CEP57L1: variants seen among roughly 807,000 people sequenced by gnomAD.
CEP57L1 encodes the protein centrosomal protein 57 like 1.
Under a neutral mutation model 61.0 loss-of-function variants are expected in CEP57L1, and 37 were observed. The ratio of observed to expected loss-of-function variants is 0.61; its 90% CI spans 0.47 to 0.80. The LOEUF (loss-of-function observed/expected upper bound fraction) is 0.80, where lower values mean the gene tolerates loss of function less well. CEP57L1 is among the 30% of genes least tolerant of loss of function. The pLI is 0.00. For missense variants in CEP57L1, 422 were observed against 524.7 expected (o/e 0.80, Z 1.91); for synonymous variants, 137 against 162.3 (o/e 0.84, Z 1.19).
chr6:109,095,173 G>GGAGGCGCTAAGCTTGCGCCCT (rs1264517034), upstream of CEP57L1: 4 of 985,440 alleles, frequency 4.1e-6, no homozygotes, highest in Non-Finnish European at 3.6e-6. Flanking sequence ...AAGCGCCCCC[G>GGAGGCGCTAAGCTTGCGCCCT]GAGGCGCTAA....
At chr6:109,126,037 A>G (rs1050677051) in intron 1 of CEP57L1, among the ~76,000 whole-genome samples, 1 of 152,170 alleles carries the variant, frequency 6.6e-6, no homozygotes, top group African/African-American at 2.4e-5. Flanking sequence ...ACCATAACAA[A>G]CATTAGCATA....
intron 1 of CEP57L1, chr6:109,140,418 T>A (rs1583560343): frequency 1.4e-5 from 2 of 143,688 alleles, no homozygotes; most frequent in Admixed American, 1.4e-4. Flanking sequence ...TTTTTTTTTT[T>A]AGACAGAGTC....
In CEP57L1 at chr6:109,168,022, A is replaced by G. The variant is rs574080775; in HGVS notation, c.*5052A>G. On this transcript the variant is annotated 3_prime_UTR_variant, in exon 11 of 11. Transcript: ENST00000517392. ...AAGTGACATGAAAGGCATAATGACA[A>G]CCACAGAGCAGATGCTCAAATATTT... Among the ~76,000 whole-genome samples the G allele has an allele frequency of 3.3e-5, 5 of 152,350 alleles. No homozygotes were observed. Among genetic ancestry groups the G allele is most frequent in the South Asian group, 2.1e-4 (1 of 4,834 alleles).
chr6:109,158,726 A>T, intron 7 of CEP57L1: 1 of 498,624 alleles, frequency 2.0e-6, no homozygotes, highest in Non-Finnish European at 3.8e-6. Flanking sequence ...TATGTGAGTG[A>T]TTTTATTTTC....
rs1029772224 is a variant in CEP57L1 at position 109,167,525 on chromosome 6, TA to T, written c.*4564del. On this transcript the variant is annotated 3_prime_UTR_variant, in exon 11 of 11. Transcript: ENST00000517392. The stretch of plus-strand genomic sequence containing the variant: ...AGTGAAACCCTGTCTCTACTAAAAA[TA>T]AAAAAAAATTAGCTGGGTGTGGTAG... 5.3e-5 allele frequency among the ~76,000 whole-genome samples: 8 copies of T among 150,866 alleles called. No individual in the cohort carries two copies. Among genetic ancestry groups the T allele is most frequent in the Admixed American group, 3.3e-4 (5 of 15,152 alleles).
At chr6:109,121,677 C>T (rs1383025247) in intron 1 of CEP57L1, among the ~76,000 whole-genome samples, 3 of 152,206 alleles carry the variant, frequency 2.0e-5, no homozygotes, top group Admixed American at 6.5e-5. Context: ...ATCAAAATCC[C>T]AGAGTGTGGA....
rs572932678 is a variant in CEP57L1 at position 109,168,091 on chromosome 6, T to C, written c.*5121T>C. Among the ~76,000 whole-genome samples the C allele has an allele frequency of 1.3e-5, 2 of 152,378 alleles. No homozygotes were observed. Among genetic ancestry groups the C allele is most frequent in the African/African-American group, 4.8e-5 (2 of 41,594 alleles). ...TGTTCTCATCTATCGATAAAGTGCT[T>C]AAGAAGTTGGCCTGTTTGTAATTTC... On this transcript the variant is annotated 3_prime_UTR_variant, in exon 11 of 11. Coordinates refer to ENST00000517392, the MANE Select transcript of CEP57L1 (RefSeq NM_001271852.3).
intron 1 of CEP57L1, among the ~76,000 whole-genome samples, chr6:109,108,955 A>G (rs1417014553): frequency 1.3e-5 from 2 of 152,216 alleles, no homozygotes; most frequent in Non-Finnish European, 2.9e-5. Flanking sequence ...AAGTGAACTT[A>G]AATACACAAA....
chr6:109,137,332 C>T (rs191487680), intron 1 of CEP57L1, among the ~76,000 whole-genome samples: 52 of 151,452 alleles, frequency 3.4e-4, no homozygotes, highest in African/African-American at 1.2e-3. Context: ...GATGGAGTCT[C>T]ACTCTGTCGC....
intron 1 of CEP57L1, among the ~76,000 whole-genome samples, chr6:109,114,911 A>G (rs1583421322): frequency 6.6e-6 from 1 of 152,212 alleles, no homozygotes; most frequent in East Asian, 1.9e-4. Flanking sequence ...TTACTCTGAT[A>G]TGATCATTCC....
At chr6:109,130,638 AAAC>A (rs1281451709) in intron 1 of CEP57L1, 2 of 150,710 alleles carry the variant, frequency 1.3e-5, no homozygotes, top group Admixed American at 1.3e-4. Context: ...TTTTTAAAGA[AAAC>A]AACCCCCTCT....
At chr6:109,143,101 G>A (rs545016001) in intron 1 of CEP57L1, among the ~76,000 whole-genome samples, 2 of 152,030 alleles carry the variant, frequency 1.3e-5, no homozygotes, top group South Asian at 4.2e-4. Flanking sequence ...ACACAAAGCA[G>A]GGAAGCTAAT....
intron 1 of CEP57L1, among the ~76,000 whole-genome samples, chr6:109,099,595 G>A (rs1782127943): frequency 6.6e-6 from 1 of 151,896 alleles, no homozygotes; most frequent in Non-Finnish European, 1.5e-5. Flanking sequence ...TGTTGCCCAG[G>A]CTGGAGTGCA....
chr6:109,120,713 G>A (rs1389116406), intron 1 of CEP57L1, among the ~76,000 whole-genome samples: 1 of 152,020 alleles, frequency 6.6e-6, no homozygotes, highest in Non-Finnish European at 1.5e-5. Flanking sequence ...TACTAAGTAG[G>A]TTGACTTTCA....
Position 109,174,279 on chromosome 6 carries a change from C to G in CEP57L1, c.*11309C>G, listed in dbSNP as rs892702006. ...GATTTCTTGCAGAGGTCATAATGTT[C>G]CAGACAAGCTGGCAGCAATCATTCC... On this transcript the variant is annotated 3_prime_UTR_variant, in exon 11 of 11. Transcript: ENST00000517392. 1.3e-5 allele frequency among the ~76,000 whole-genome samples: 2 copies of G among 152,140 alleles called. No homozygotes were observed. The highest frequency in any genetic ancestry group is 2.9e-5 in the Non-Finnish European group (2 of 68,022).
At chr6:109,119,870 AC>A (rs1772750195) in intron 1 of CEP57L1, among the ~76,000 whole-genome samples, 1 of 152,206 alleles carries the variant, frequency 6.6e-6, no homozygotes, top group South Asian at 2.1e-4. Flanking sequence ...ATAGTATGAT[AC>A]AATGTTAAGA....
At chr6:109,155,416 ATTGTC>A (rs1773118857) in intron 6 of CEP57L1, 109 bp downstream of exon 6, 1 of 591,558 alleles carries the variant, frequency 1.7e-6, no homozygotes. Flanking sequence ...TGCTTCCTAA[ATTGTC>A]TTTTCGTTAC....
rs186620525 is a variant in CEP57L1 at position 109,159,244 on chromosome 6, T to A, written c.823-25T>A. On this transcript the variant is annotated intron_variant, in intron 8 of 10. Transcript: ENST00000517392. ...CTACCAGTGCAAGCTGTTCTGTGAA[T>A]GCAAGTATGCAAAACTTTTTGCAGA... The A allele has an allele frequency of 3.2e-5, 51 of 1,614,144 alleles. No homozygotes were observed. The Admixed American group carries it at 4.0e-4, about 13-fold the overall frequency.
intron 7 of CEP57L1, chr6:109,158,676 C>A: frequency 2.1e-6 from 1 of 475,440 alleles, no homozygotes; most frequent in Non-Finnish European, 4.2e-6. Flanking sequence ...GCCAAACTGT[C>A]TTCCAAAATG....
Sources: gnomAD v4.1 joint callset for allele counts (sites outside exome capture counted in the v4.1 genomes callset) on GRCh38, gnomAD v4.1.1 for gene constraint, MANE v1.5 for transcripts, NCBI Gene and HGNC (gene_info 2026-07-23, HGNC 2026-07-21) for gene names.